EYS: variants seen among roughly 807,000 people sequenced by gnomAD.
EYS encodes EGF-like photoreceptor maintenance factor, also known as protein eyes shut homolog.
Under a neutral mutation model 282.1 loss-of-function variants are expected in EYS, and 250 were observed. The ratio of observed to expected loss-of-function variants is 0.89; its 90% CI spans 0.80 to 0.98. EYS has a LOEUF of 0.98. Ranked by LOEUF, EYS falls within the 50% of genes least tolerant of loss-of-function variation. EYS has a pLI of 0.00. For synonymous variants in EYS, 1,355 were observed against 1,282.9 expected (o/e 1.06, Z -1.20); for missense variants, 4,016 against 3,709.0 (o/e 1.08, Z -2.15).
intron 26 of EYS, among the ~76,000 whole-genome samples, chr6:64,461,187 G>A (rs961523923): frequency 6.6e-6 from 1 of 152,056 alleles, no homozygotes; most frequent in Non-Finnish European, 1.5e-5. Context: ...CTCTAAGAAG[G>A]CTTATTGACC....
At chr6:64,382,940 C>T (rs557797640) in intron 29 of EYS, among the ~76,000 whole-genome samples, 1 of 152,178 alleles carries the variant, frequency 6.6e-6, no homozygotes, top group African/African-American at 2.4e-5. Flanking sequence ...GAGCCAGTTT[C>T]TGCTGCTCCA....
At chr6:64,947,996 T>C (rs531281915) in intron 14 of EYS, among the ~76,000 whole-genome samples, 229 of 151,968 alleles carry the variant, frequency 1.5e-3, no homozygotes, top group African/African-American at 5.2e-3. Context: ...TTCAGTCAAA[T>C]TTTTCCTATT....
At chr6:65,103,221 T>C (rs1774942430) in intron 12 of EYS, among the ~76,000 whole-genome samples, 2 of 151,430 alleles carry the variant, frequency 1.3e-5, no homozygotes, top group Admixed American at 1.3e-4. Flanking sequence ...ACCTATGAGT[T>C]TTCAGCTGTG....
At chr6:65,244,078 A>G (rs1767120095) in intron 12 of EYS, among the ~76,000 whole-genome samples, 1 of 152,138 alleles carries the variant, frequency 6.6e-6, no homozygotes, top group African/African-American at 2.4e-5. Context: ...ATAAATGGCA[A>G]TGGTTAGAGT....
chr6:64,168,614 T>C (rs374839636), intron 31 of EYS, among the ~76,000 whole-genome samples: 1 of 152,252 alleles, frequency 6.6e-6, no homozygotes, highest in East Asian at 1.9e-4. Flanking sequence ...GTAAAAAACA[T>C]TATGCTAAGT....
At chr6:65,170,743 T>C (rs1271083724) in intron 12 of EYS, among the ~76,000 whole-genome samples, 1 of 151,488 alleles carries the variant, frequency 6.6e-6, no homozygotes, top group Non-Finnish European at 1.5e-5. Context: ...GCATTAAGAA[T>C]TGAATTACTA....
intron 36 of EYS, among the ~76,000 whole-genome samples, chr6:63,815,601 A>C (rs1220732852): frequency 6.6e-6 from 1 of 152,192 alleles, no homozygotes; most frequent in Non-Finnish European, 1.5e-5. Flanking sequence ...ATGTAAACAC[A>C]TATTAACTAC....
chr6:65,562,912 G>C (rs1769122439), intron 2 of EYS, among the ~76,000 whole-genome samples: 1 of 152,034 alleles, frequency 6.6e-6, no homozygotes. Flanking sequence ...TGGGTGGTTT[G>C]AAGCTGATAC....
At chr6:64,195,974 A>C (rs1265944857) in intron 31 of EYS, among the ~76,000 whole-genome samples, 1 of 152,226 alleles carries the variant, frequency 6.6e-6, no homozygotes, top group Non-Finnish European at 1.5e-5. Flanking sequence ...AAATGGGAGA[A>C]AATTTTCGCA....
At chr6:63,902,148 C>T (rs971552955) in intron 35 of EYS, among the ~76,000 whole-genome samples, 1 of 152,110 alleles carries the variant, frequency 6.6e-6, no homozygotes, top group East Asian at 1.9e-4. Context: ...CCTGTCTTGG[C>T]CTCCCAAAGT....
At chr6:63,841,812 A>G (rs186143734) in intron 36 of EYS, among the ~76,000 whole-genome samples, 14 of 151,978 alleles carry the variant, frequency 9.2e-5, no homozygotes, top group Non-Finnish European at 1.8e-4. Context: ...CCCTCTGCCC[A>G]TATGTTCTCA....
chr6:63,895,502 A>G (rs919356370), intron 35 of EYS, among the ~76,000 whole-genome samples: 11 of 152,344 alleles, frequency 7.2e-5, no homozygotes, highest in African/African-American at 2.6e-4. Flanking sequence ...ACTTTAGATC[A>G]TAAGTGGTCA....
At chr6:65,087,412 A>G (rs73765757) in intron 12 of EYS, among the ~76,000 whole-genome samples, 2,684 of 152,250 alleles carry the variant, frequency 0.018, 72 homozygotes, top group African/African-American at 0.061. Context: ...TCCTGTGTGC[A>G]GCATTCAAAA....
intron 35 of EYS, among the ~76,000 whole-genome samples, chr6:63,887,365 C>G (rs1056818636): frequency 3.8e-5 from 5 of 133,118 alleles, no homozygotes; most frequent in Admixed American, 8.5e-5. Context: ...GATTCCCAGG[C>G]AAGATAGCCA....
chr6:64,591,158 A>C lies in EYS; in HGVS notation c.4709T>G (p.Phe1570Cys). Residue 1570 changes from phenylalanine to cysteine, a missense_variant, in exon 26 of 43, where the codon TTC (phenylalanine) becomes TGC (cysteine). By Grantham distance (205) the Phe-to-Cys change is radical. Transcript: ENST00000503581. ...TTTGCTATGCAAAACTTGATCTGAG[A>C]ATTCACGAGAGGATTTTATTTCAGT... Reference protein sequence around the residue: ...SMTEIKSSREFSDQVLHSKQS... With the variant: ...SMTEIKSSRECSDQVLHSKQS... The C allele has an allele frequency of 1.3e-6, 2 of 1,551,338 alleles. No individual in the cohort carries two copies. Among genetic ancestry groups the C allele is most frequent in the Non-Finnish European group, 1.7e-6 (2 of 1,146,766 alleles).
intron 22 of EYS, among the ~76,000 whole-genome samples, chr6:64,744,129 A>T (rs536545889): frequency 1.9e-4 from 29 of 152,268 alleles, no homozygotes; most frequent in South Asian, 1.9e-3. Flanking sequence ...TCTAATATTT[A>T]AAAAAAGCAT....
chr6:64,080,622 G>A (rs1359634170), intron 32 of EYS, among the ~76,000 whole-genome samples: 1 of 152,030 alleles, frequency 6.6e-6, no homozygotes, highest in East Asian at 1.9e-4. Flanking sequence ...TAGACATGAA[G>A]TCCTTGCCCC....
chr6:65,587,643 A>C (rs1412502744), intron 2 of EYS, among the ~76,000 whole-genome samples: 1 of 152,108 alleles, frequency 6.6e-6, no homozygotes, highest in East Asian at 1.9e-4. Flanking sequence ...TGGCAGTGTG[A>C]GAATGGACTT....
chr6:64,511,274 A>ATATATGATATATATATCATATGTATCATG (rs1777391826), intron 26 of EYS, among the ~76,000 whole-genome samples: 1 of 148,382 alleles, frequency 6.7e-6, no homozygotes, highest in African/African-American at 2.5e-5. Context: ...TATGTATCAT[A>ATATATGATATATATATCATATGTATCATG]TATATGATAT....
Sources: allele counts gnomAD v4.1 joint callset (sites outside exome capture counted in the v4.1 genomes callset), GRCh38; gene constraint gnomAD v4.1.1; transcripts MANE v1.5; gene names NCBI Gene and HGNC (gene_info 2026-07-23, HGNC 2026-07-21).